Variants in MARCO observed in about 807,000 individuals in gnomAD.
The protein encoded by MARCO is macrophage receptor with collagenous structure, also known as macrophage receptor MARCO.
A neutral mutation model predicts 70.0 loss-of-function variants in MARCO; 72 were observed. That is an observed-to-expected ratio of 1.03 (90% confidence interval 0.85 to 1.25). The LOEUF is 1.25. Among genes scored for constraint, MARCO ranks in the 50% most tolerant of loss-of-function variants. The pLI is 0.00. For synonymous variants in MARCO, 273 were observed against 243.1 expected, an observed-to-expected ratio of 1.12 and a Z score of -1.14; for missense variants, 696 against 659.3, an observed-to-expected ratio of 1.06 and a Z score of -0.61.
chr2:118,993,158 T>A lies in MARCO; in HGVS notation c.1287T>A (p.Ser429Arg), dbSNP rs1168239237. ...CAGTGTCCGTCAGGATTGTCGGCAG[T>A]AGTAACCGAGGCCGGGCTGAAGTTT... ...ENSVSVRIVGSSNRGRAEVYY... is the reference protein window; with the variant it reads ...ENSVSVRIVGRSNRGRAEVYY... The change falls in exon 16 of 17, where the codon AGT (serine) becomes AGA (arginine). Residue 429 changes from serine (S) to arginine (R), a missense_variant. By Grantham distance (110) the Ser-to-Arg change is moderately radical (BLOSUM62 -1). This residue lies in a region of MARCO where 605 missense variants were observed against 537.6 expected (regional missense o/e 1.13). Coordinates refer to ENST00000327097, the MANE Select transcript of MARCO (RefSeq NM_006770.4). 6.2e-7 allele frequency: 1 copy of A among 1,614,232 alleles called. No individual in the cohort carries two copies.
chr2:118,986,154 C>T (rs1193964738), intron 12 of MARCO, among the ~76,000 whole-genome samples: 1 of 152,106 alleles, frequency 6.6e-6, no homozygotes, highest in Non-Finnish European at 1.5e-5. Flanking sequence ...CTCTAAGTTT[C>T]TGAGAGAGCT....
intron 4 of MARCO, among the ~76,000 whole-genome samples, chr2:118,972,605 T>G (rs1449464522): frequency 6.6e-6 from 1 of 152,208 alleles, no homozygotes; most frequent in Non-Finnish European, 1.5e-5. Context: ...AATGTACACC[T>G]CTTAGTCCAG....
chr2:118,985,846 T>C (rs943330453), intron 12 of MARCO, among the ~76,000 whole-genome samples: 8 of 152,208 alleles, frequency 5.3e-5, no homozygotes, highest in Non-Finnish European at 1.0e-4. Flanking sequence ...TTTATCTCAA[T>C]GGCCTTTATG....
At chr2:118,955,059 A>C (rs548360071) in intron 1 of MARCO, among the ~76,000 whole-genome samples, 129 of 152,190 alleles carry the variant, frequency 8.5e-4, no homozygotes, top group African/African-American at 2.9e-3. Flanking sequence ...GAAAAAAAAA[A>C]AATCACACTA....
Position 118,969,184 on chromosome 2 carries a change from G to A in MARCO, c.122G>A (p.Gly41Glu). The change falls in exon 2 of 17, where the codon GGG (glycine) becomes GAG (glutamate). Residue 41 changes from glycine (G) to glutamate (E), a missense_variant. Physicochemically the swap from Gly to Glu is moderately conservative, Grantham distance 98. Around this residue, in one of 3 missense-constraint regions of MARCO, gnomAD observed 605 missense variants for 537.6 expected, o/e 1.13. Coordinates refer to ENST00000327097, the MANE Select transcript of MARCO (RefSeq NM_006770.4). ...INVPKPKRRN[G>E]VNFSLAVVVI... ...GTTCCAAAGCCCAAGAGGAGAAATG[G>A]GGTGAACTTCTCCCTAGCTGTGGTG... 1 of 1,613,960 alleles carries A rather than the reference G, an allele frequency of 6.2e-7. No homozygotes were observed.
rs112081690 is a variant in MARCO at position 118,992,063 on chromosome 2, C to T, written c.1207+188C>T. ...GCCCTAGGCATGGAGCACACAGCAGCGGGTTAGGCGCAGCTCTAGCATCCA... is the reference window on the plus strand; with the variant it reads ...GCCCTAGGCATGGAGCACACAGCAGTGGGTTAGGCGCAGCTCTAGCATCCA... On this transcript the variant is annotated intron_variant, in intron 14 of 16. Transcript: ENST00000327097. 6.6e-3 allele frequency among the ~76,000 whole-genome samples: 1,007 copies of T among 152,278 alleles called. 7 individuals carry two copies. Among genetic ancestry groups the T allele is most frequent in the African/African-American group, 0.022 (933 of 41,558 alleles).
At chr2:118,985,298 C>T (rs1171601219) in intron 12 of MARCO, among the ~76,000 whole-genome samples, 2 of 152,092 alleles carry the variant, frequency 1.3e-5, no homozygotes, top group African/African-American at 4.8e-5. Flanking sequence ...CGGTTACCTT[C>T]ACCCTGTCCC....
intron 12 of MARCO, among the ~76,000 whole-genome samples, chr2:118,987,385 G>A (rs749218795): frequency 2.6e-5 from 4 of 152,132 alleles, no homozygotes; most frequent in South Asian, 2.1e-4. Context: ...TTCCTCCATC[G>A]ATTAGTCCAT....
rs1680603535 is a variant in MARCO, at chr2:118,990,626, A to G, written c.1101A>G (p.Gly367=). ...QGQQGRKGES[G]VPGPAGVKGE... is the part of the protein sequence containing the mutation. Reference sequence around the variant, plus strand: ...AGCAAGGAAGAAAAGGAGAATCAGGAGTTCCAGGTAAAGGGCAGGCTGCAT... The same window carrying G: ...AGCAAGGAAGAAAAGGAGAATCAGGGGTTCCAGGTAAAGGGCAGGCTGCAT... Residue 367 remains glycine, a synonymous_variant, in exon 13 of 17, where the codon GGA becomes GGG. Transcript: ENST00000327097. 1.0e-5 allele frequency: 15 copies of G among 1,459,764 alleles called. No homozygotes were observed. Among genetic ancestry groups the G allele is most frequent in the Non-Finnish European group, 1.4e-5 (15 of 1,083,254 alleles). 90.4% of individuals were successfully genotyped at this position (1,459,764 alleles called of 1,614,324 possible). A position where few individuals can be genotyped will look rare whatever the true frequency, so the allele number is the denominator to read the frequency against.
chr2:118,958,622 C>A (rs1280260371), intron 1 of MARCO, among the ~76,000 whole-genome samples: 2 of 152,096 alleles, frequency 1.3e-5, no homozygotes, highest in African/African-American at 2.4e-5. Context: ...CATCAAAATA[C>A]CACCATCATT....
chr2:118,993,654 G>A (rs191440724), intron 16 of MARCO, among the ~76,000 whole-genome samples: 12 of 152,314 alleles, frequency 7.9e-5, no homozygotes, highest in Admixed American at 7.8e-4. Flanking sequence ...AGAAGATTCA[G>A]GGCAGGCAAA....
At chr2:118,955,957 CT>C (rs1679828806) in intron 1 of MARCO, among the ~76,000 whole-genome samples, 2 of 102,898 alleles carry the variant, frequency 1.9e-5, no homozygotes, top group African/African-American at 1.1e-4. Flanking sequence ...AAAACTTGAA[CT>C]GTTTAAATCT....
intron 1 of MARCO, among the ~76,000 whole-genome samples, chr2:118,953,988 G>A (rs1679778415): frequency 6.6e-6 from 1 of 152,188 alleles, no homozygotes; most frequent in African/African-American, 2.4e-5. Context: ...GGCCAGAGGA[G>A]CAGGGGCAAA....
chr2:118,960,927 C>T (rs973899475), intron 1 of MARCO, among the ~76,000 whole-genome samples: 1 of 151,954 alleles, frequency 6.6e-6, no homozygotes, highest in Non-Finnish European at 1.5e-5. Context: ...GTGTGTTGTT[C>T]CCCTCCTTGT....
chr2:118,973,991 G>A (rs746627765), intron 4 of MARCO, among the ~76,000 whole-genome samples: 1 of 152,188 alleles, frequency 6.6e-6, no homozygotes, highest in Admixed American at 6.5e-5. Flanking sequence ...TGGTCCCCAC[G>A]TGGTAATCTC....
intron 11 of MARCO, 26 bp downstream of exon 11, chr2:118,982,280 C>T (rs868524938): frequency 6.2e-7 from 1 of 1,611,850 alleles, no homozygotes; most frequent in Middle Eastern, 1.7e-4. Flanking sequence ...CTATGGTGGG[C>T]ACAGGGAGTG....
chr2:118,983,936 A>G (rs1424299576), intron 12 of MARCO, among the ~76,000 whole-genome samples: 5 of 152,194 alleles, frequency 3.3e-5, no homozygotes, highest in Non-Finnish European at 7.3e-5. Context: ...GTCTGAGGGT[A>G]GGGAATCCTG....
chr2:118,959,846 T>C (rs747467597), intron 1 of MARCO, among the ~76,000 whole-genome samples: 1 of 152,210 alleles, frequency 6.6e-6, no homozygotes, highest in African/African-American at 2.4e-5. Context: ...ACTATTATTC[T>C]AAGTGAAGTA....
chr2:118,967,622 A>G (rs1176632893), intron 1 of MARCO, among the ~76,000 whole-genome samples: 4 of 152,140 alleles, frequency 2.6e-5, no homozygotes, highest in Non-Finnish European at 5.9e-5. Flanking sequence ...CCAACCCACC[A>G]ACAAAACCAC....
Sources: allele counts gnomAD v4.1 joint callset (sites outside exome capture counted in the v4.1 genomes callset), GRCh38; gene constraint gnomAD v4.1.1; regional missense constraint gnomAD v4.1.1; transcripts MANE v1.5; gene names NCBI Gene and HGNC (gene_info 2026-07-23, HGNC 2026-07-21).